The following ZNF561 variants were observed in gnomAD, a reference collection of about 807,000 sequenced individuals.
ZNF561 encodes zinc finger protein 561.
A neutral mutation model predicts 16.7 loss-of-function variants in ZNF561; 16 were observed. That is an observed-to-expected ratio of 0.96 (90% CI 0.65 to 1.45). The LOEUF (loss-of-function observed/expected upper bound fraction) is 1.45. Among genes scored for constraint, ZNF561 ranks in the 40% most tolerant of loss-of-function variants. ZNF561 has a pLI of 0.00. For missense variants in ZNF561, 580 were observed against 578.0 expected, an observed-to-expected ratio of 1.00 and a Z score of -0.04; for synonymous variants, 190 against 192.1, an observed-to-expected ratio of 0.99 and a Z score of 0.09.
At chr19:9,613,786 G>A (rs7250247) in intron 5 of ZNF561, among the ~76,000 whole-genome samples, 3,742 of 152,222 alleles carry the variant, frequency 0.025, 158 homozygotes, top group African/African-American at 0.085. Context: ...CAAAATGTTG[G>A]GATTACAGGT....
At position 9,608,587 on chromosome 19, in the gene ZNF561, A is replaced by G. The variant is rs1265310127; in HGVS notation, c.*1613T>C. ...AACAAAAAAACTAAAAATGTGAAGCAGATTTGAAACTGACAAATGAGGCTG... is the reference window on the plus strand; with the variant it reads ...AACAAAAAAACTAAAAATGTGAAGCGGATTTGAAACTGACAAATGAGGCTG... On this transcript the variant is annotated 3_prime_UTR_variant, in exon 6 of 6. Coordinates refer to ENST00000302851, the MANE Select transcript of ZNF561 (RefSeq NM_152289.3). 6.6e-6 allele frequency: 1 copy of G among 152,280 alleles called. No individual in the cohort carries two copies. The highest frequency in any genetic ancestry group is 1.5e-5 in the Non-Finnish European group (1 of 68,060). The allele number at this position is 152,280 out of a possible 1,614,324, so 9.4% of individuals were successfully genotyped here.
rs1346865421 is a variant in ZNF561, at chr19:9,611,255, G to A, written c.406C>T (p.His136Tyr). ...VFREQFCLKTHMRVQNGGNTS... is the reference protein window; with the variant it reads ...VFREQFCLKTYMRVQNGGNTS... ...TTCCCTCCATTCTGAACTCTCATGTGTGTCTTAAGGCAAAACTGTTCCCTG... is the reference window on the plus strand; with the variant it reads ...TTCCCTCCATTCTGAACTCTCATGTATGTCTTAAGGCAAAACTGTTCCCTG... Residue 136 changes from histidine (H) to tyrosine (Y), a missense_variant, in exon 6 of 6, where the codon CAC becomes TAC. By Grantham distance (83) the His-to-Tyr change is moderately conservative. Coordinates refer to ENST00000302851, the MANE Select transcript of ZNF561 (RefSeq NM_152289.3). 1 of 1,613,728 alleles carries A rather than the reference G, an allele frequency of 6.2e-7. No homozygotes were observed. Among genetic ancestry groups the A allele is most frequent in the South Asian group, 1.1e-5 (1 of 91,062 alleles).
chr19:9,619,926 C>CTA (rs1568239589), intron 1 of ZNF561, among the ~76,000 whole-genome samples: 5 of 129,998 alleles, frequency 3.8e-5, no homozygotes, highest in Non-Finnish European at 6.7e-5. Flanking sequence ...TCTATCCTAT[C>CTA]TATCTATCTA....
chr19:9,613,620 C>T lies in ZNF561; in HGVS notation c.324+401G>A, dbSNP rs528127180. On this transcript the variant is annotated intron_variant, in intron 5 of 5. Transcript: ENST00000302851. Reference sequence around the variant, plus strand: ...TGCAACCTCTGCCTCTGTGTTCATGCCATTCTCCTGTCTCAGCCTCCCAAG... The same window carrying T: ...TGCAACCTCTGCCTCTGTGTTCATGTCATTCTCCTGTCTCAGCCTCCCAAG... Among the ~76,000 whole-genome samples the T allele has an allele frequency of 3.9e-5, 6 of 152,020 alleles. No homozygotes were observed. In the South Asian group the frequency reaches 1.2e-3, roughly 32 times the overall value.
At chr19:9,611,405 CAGA>C in intron 5 of ZNF561, 69 bp from the exon 6 acceptor site, 1 of 1,439,582 alleles carries the variant, frequency 6.9e-7, no homozygotes, top group Non-Finnish European at 9.3e-7. Flanking sequence ...CATCTGAACA[CAGA>C]AGCATTTTGA....
At chr19:9,617,848 T>C in intron 3 of ZNF561, 1 of 553,884 alleles carries the variant, frequency 1.8e-6, no homozygotes, top group Non-Finnish European at 3.5e-6. Flanking sequence ...GTAAGAAAGA[T>C]GCAGTTGGCA....
Position 9,617,201 on chromosome 19 carries a change from C to T in ZNF561, c.115-30G>A. The T allele has an allele frequency of 2.5e-6, 4 of 1,601,666 alleles. No individual in the cohort carries two copies. The South Asian group carries it at 3.4e-5, about 13-fold the overall frequency. Reference sequence around the variant, plus strand: ...GTCATCATACACATGCTGGTTTGAGCCAATGAACACTTCCACCAATATTCA... The same window carrying T: ...GTCATCATACACATGCTGGTTTGAGTCAATGAACACTTCCACCAATATTCA... On this transcript the variant is annotated intron_variant, in intron 3 of 5. Coordinates refer to ENST00000302851, the MANE Select transcript of ZNF561 (RefSeq NM_152289.3).
Position 9,610,339 on chromosome 19 carries a change from C to T in ZNF561, c.1322G>A (p.Arg441Gln), listed in dbSNP as rs750064577. The part of the protein sequence containing the change: ...LYSSRLNVHL[R>Q]THTGEKPFVC... Reference sequence around the variant, plus strand: ...GAAGGGTTTCTCTCCGGTATGAGTTCGCAGGTGAACATTAAGGCGTGAGGA... The same window carrying T: ...GAAGGGTTTCTCTCCGGTATGAGTTTGCAGGTGAACATTAAGGCGTGAGGA... Residue 441 changes from arginine (R) to glutamine (Q), a missense_variant, in exon 6 of 6, where the codon CGA becomes CAA. Coordinates refer to ENST00000302851, the MANE Select transcript of ZNF561 (RefSeq NM_152289.3). 38 of 1,614,008 alleles carry T rather than the reference C, an allele frequency of 2.4e-5. No individual in the cohort carries two copies. Among genetic ancestry groups the T allele is most frequent in the Admixed American group, 1.0e-4 (6 of 60,002 alleles).
chr19:9,617,647 C>T lies in ZNF561; in HGVS notation c.114+444G>A, dbSNP rs757274990. On this transcript the variant is annotated intron_variant, in intron 3 of 5. Coordinates refer to ENST00000302851, the MANE Select transcript of ZNF561 (RefSeq NM_152289.3). ...TCTGTCTCCTGAGTAGCTGGAATTA[C>T]AGGCATGAGCCACTGCACACTGCTT... is the stretch of plus-strand genomic sequence containing the variant. 19 of 456,924 alleles carry T rather than the reference C, an allele frequency of 4.2e-5. 1 individual carries two copies. Among genetic ancestry groups the T allele is most frequent in the South Asian group, 7.7e-5 (5 of 64,574 alleles). The allele number at this position is 456,924 out of a possible 1,614,324, so 28.3% of individuals were successfully genotyped here.
At chr19:9,611,950 CAG>C (rs1205330806) in intron 5 of ZNF561, among the ~76,000 whole-genome samples, 1 of 152,080 alleles carries the variant, frequency 6.6e-6, no homozygotes, top group Admixed American at 6.6e-5. Flanking sequence ...TATTTAGAGA[CAG>C]AGTCTTGCTC....
At chr19:9,617,440 A>G in intron 3 of ZNF561, 1 of 517,650 alleles carries the variant, frequency 1.9e-6, no homozygotes, top group Non-Finnish European at 2.6e-6. Context: ...GTATTTTTAA[A>G]TTTTAAATTT....
chr19:9,616,471 G>A (rs2074555714), intron 4 of ZNF561, among the ~76,000 whole-genome samples: 2 of 151,898 alleles, frequency 1.3e-5, no homozygotes, highest in South Asian at 4.2e-4. Flanking sequence ...AGTAGAGATG[G>A]GGATTCACTA....
rs544495944 is a variant in ZNF561, at chr19:9,613,436, C to A, written c.324+585G>T. ...TTTAGTAGAGATAAGAGTTTCATTA[C>A]ATTGGCCAGGCTGGTCTCGAAGTGC... On this transcript the variant is annotated intron_variant, in intron 5 of 5. Transcript: ENST00000302851. 2.0e-5 allele frequency among the ~76,000 whole-genome samples: 3 copies of A among 151,798 alleles called. No individual in the cohort carries two copies. In the East Asian group the frequency reaches 5.8e-4, roughly 30 times the overall value.
Position 9,608,606 on chromosome 19 carries a change from G to A in ZNF561, c.*1594C>T, listed in dbSNP as rs1016395853. 1 of 152,208 alleles carries A rather than the reference G, an allele frequency of 6.6e-6. No homozygotes were observed. Among genetic ancestry groups the A allele is most frequent in the African/African-American group, 2.4e-5 (1 of 41,444 alleles). The allele number at this position is 152,208 out of a possible 1,614,324, so 9.4% of individuals were successfully genotyped here. ...TGAAGCAGATTTGAAACTGACAAAT[G>A]AGGCTGGAAAAATTCTGATGTGCAA... is the stretch of plus-strand genomic sequence containing the variant. On this transcript the variant is annotated 3_prime_UTR_variant, in exon 6 of 6. Transcript: ENST00000302851.
At chr19:9,619,929 T>TATCTATC (rs2074637751) in intron 1 of ZNF561, among the ~76,000 whole-genome samples, 3 of 114,620 alleles carry the variant, frequency 2.6e-5, no homozygotes, top group South Asian at 3.0e-4. Flanking sequence ...ATCCTATCTA[T>TATCTATC]CTATCTATCT....
At chr19:9,618,257 T>A in intron 2 of ZNF561, 78 bp from the exon 3 acceptor site, 3 of 1,356,182 alleles carry the variant, frequency 2.2e-6, no homozygotes, top group Non-Finnish European at 3.1e-6. Context: ...AGTCATTCCA[T>A]CCTAGCTTGA....
At position 9,607,866 on chromosome 19, in the gene ZNF561, T is replaced by C. The variant is rs528212954; in HGVS notation, c.*2334A>G. 3 of 151,956 alleles carry C rather than the reference T, an allele frequency of 2.0e-5. No individual in the cohort carries two copies. Among genetic ancestry groups the C allele is most frequent in the Non-Finnish European group, 4.4e-5 (3 of 68,008 alleles). 9.4% of individuals were successfully genotyped at this position (151,956 alleles called of 1,614,324 possible). On this transcript the variant is annotated 3_prime_UTR_variant, in exon 6 of 6. Coordinates refer to ENST00000302851, the MANE Select transcript of ZNF561 (RefSeq NM_152289.3). ...ATCCCAATGTGACTGTATGTGAAAA[T>C]AGGGTTTTTTAGTTTTGTTTTTGAG... is the stretch of plus-strand genomic sequence containing the variant.
Position 9,609,259 on chromosome 19 carries a change from C to G in ZNF561, c.*941G>C, listed in dbSNP as rs1377620346. The stretch of plus-strand genomic sequence containing the variant: ...TATGTGGGTCAAACTCTGTTCAAGG[C>G]TCTCAGCTCTGAAGGCTGTGAGCCC... On this transcript the variant is annotated 3_prime_UTR_variant, in exon 6 of 6. Transcript: ENST00000302851. 6.6e-6 allele frequency: 1 copy of G among 152,190 alleles called. No individual in the cohort carries two copies. The highest frequency in any genetic ancestry group is 1.5e-5 in the Non-Finnish European group (1 of 68,028). The allele number at this position is 152,190 out of a possible 1,614,324, so 9.4% of individuals were successfully genotyped here.
chr19:9,613,370 G>A (rs1329685767), intron 5 of ZNF561, among the ~76,000 whole-genome samples: 1 of 151,976 alleles, frequency 6.6e-6, no homozygotes, highest in African/African-American at 2.4e-5. Flanking sequence ...ATGTATCTGG[G>A]ATTACAGGTG....
Sources: gnomAD v4.1 joint callset for allele counts (sites outside exome capture counted in the v4.1 genomes callset) on GRCh38, gnomAD v4.1.1 for gene constraint, MANE v1.5 for transcripts, NCBI Gene and HGNC (gene_info 2026-07-23, HGNC 2026-07-21) for gene names.